Variants in FAF1 observed in about 807,000 individuals in gnomAD.
FAF1 encodes the protein FAS-associated factor 1.
In FAF1, 25 loss-of-function variants were observed where a neutral mutation model predicts 92.5. That is an observed-to-expected ratio of 0.27 (90% confidence interval 0.20 to 0.38). The LOEUF (loss-of-function observed/expected upper bound fraction) is 0.38. Ranked by LOEUF, FAF1 falls within the 10% of genes least tolerant of loss-of-function variation. The probability of loss-of-function intolerance (pLI) is 1.00; values close to 1 mark genes in which losing one functional copy is unlikely to be tolerated. For synonymous variants in FAF1, 234 were observed against 273.2 expected (o/e 0.86, Z 1.42); for missense variants, 636 against 793.3 (o/e 0.80, Z 2.38).
chr1:50,930,275 T>TA (rs1310929557), intron 1 of FAF1, among the ~76,000 whole-genome samples: 3 of 152,184 alleles, frequency 2.0e-5, no homozygotes, highest in Admixed American at 1.3e-4. Flanking sequence ...CATAATGAGC[T>TA]AAGCAGGTGA....
At position 50,438,004 on chromosome 1, in the gene FAF1, C is replaced by A. The variant is rs1486662987; in HGVS notation, c.*3436G>T. 1.7e-5 allele frequency: 2 copies of A among 115,770 alleles called. No individual in the cohort carries two copies. Among genetic ancestry groups the A allele is most frequent in the Admixed American group, 1.3e-4 (1 of 7,684 alleles). 7.2% of individuals were successfully genotyped at this position (115,770 alleles called of 1,614,324 possible). A position where few individuals can be genotyped will look rare whatever the true frequency, so the allele number is the denominator to read the frequency against. On this transcript the variant is annotated 3_prime_UTR_variant, in exon 19 of 19. Coordinates refer to ENST00000396153, the MANE Select transcript of FAF1 (RefSeq NM_007051.3). ...TGCCACTGCACTCTAGCCTGAGCGA[C>A]AGAGCGAGACTCTGTCTCAAAAAAA...
At chr1:50,780,960 G>T in intron 4 of FAF1, 1 of 483,180 alleles carries the variant, frequency 2.1e-6, no homozygotes, top group Non-Finnish European at 4.1e-6. Flanking sequence ...AGGAACAGGA[G>T]GTCATCATCT....
chr1:50,731,161 T>C (rs1049869911), intron 6 of FAF1, among the ~76,000 whole-genome samples: 11 of 152,248 alleles, frequency 7.2e-5, no homozygotes, highest in Admixed American at 6.5e-4. Context: ...ACAAGTTTCC[T>C]GTGTGAGGGA....
chr1:50,628,755 G>A (rs761192356), intron 8 of FAF1, among the ~76,000 whole-genome samples: 8 of 152,174 alleles, frequency 5.3e-5, no homozygotes, highest in Non-Finnish European at 1.2e-4. Context: ...CATAAAAATG[G>A]AACTATGGCC....
intron 2 of FAF1, among the ~76,000 whole-genome samples, chr1:50,822,559 A>G (rs2124621582): frequency 6.6e-6 from 1 of 152,290 alleles, no homozygotes; most frequent in South Asian, 2.1e-4. Context: ...ATTAGACTTT[A>G]GTCAGCCTCA....
At chr1:50,590,051 T>C (rs1414055491) in intron 9 of FAF1, among the ~76,000 whole-genome samples, 1 of 152,260 alleles carries the variant, frequency 6.6e-6, no homozygotes, top group Non-Finnish European at 1.5e-5. Flanking sequence ...TCTAGCACTG[T>C]ACTGTTGAGA....
rs777455267 is a variant in FAF1 at position 50,788,077 on chromosome 1, T to C, written c.290A>G (p.Gln97Arg). 8 of 1,614,006 alleles carry C rather than the reference T, an allele frequency of 5.0e-6. No homozygotes were observed. The African/African-American group carries it at 9.3e-5, about 19-fold the overall frequency. Residue 97 changes from glutamine to arginine, a missense_variant, in exon 4 of 19, where the codon CAA becomes CGA. Gln to Arg is a conservative substitution (Grantham distance 43). This residue lies in a region of FAF1 where 317 missense variants were observed against 342.4 expected (regional missense o/e 0.93). Transcript: ENST00000396153. ...VMPSRQIVER[Q>R]PRMLDFRVEY... ...AACCCTGAAGTCCAGCATCCGAGGT[T>C]GCCTTTCTACAATCTGCCTGGATGG...
rs567033226 is a variant in FAF1 at position 50,694,055 on chromosome 1, CAT to C, written c.657+11729_657+11730del. ...TATGACATATACATGACATGTATGA[CAT>C]ATATATGACATATACATGACATATA... On this transcript the variant is annotated intron_variant, in intron 7 of 18. Transcript: ENST00000396153. Among the ~76,000 whole-genome samples, 237 of 151,368 alleles carry C rather than the reference CAT, an allele frequency of 1.6e-3. 2 individuals are homozygous for C. The highest frequency in any genetic ancestry group is 2.4e-3 in the Non-Finnish European group (163 of 67,912).
intron 1 of FAF1, among the ~76,000 whole-genome samples, chr1:50,952,714 C>T (rs976963342): frequency 6.6e-6 from 1 of 150,904 alleles, no homozygotes; most frequent in Admixed American, 6.6e-5. Context: ...GCGCCTCTGC[C>T]CCGCCACCCC....
intron 13 of FAF1, among the ~76,000 whole-genome samples, chr1:50,558,295 T>C (rs912706606): frequency 6.6e-5 from 10 of 152,102 alleles, no homozygotes; most frequent in Admixed American, 1.3e-4. Context: ...TCATGTTTTA[T>C]ATCAATATAA....
chr1:50,801,558 C>A, intron 3 of FAF1, 73 bp downstream of exon 3: 3 of 822,082 alleles, frequency 3.6e-6, no homozygotes, highest in Middle Eastern at 2.3e-4. Context: ...AAAAATAAAA[C>A]AAAAAAATTA....
intron 1 of FAF1, among the ~76,000 whole-genome samples, chr1:50,874,029 T>A (rs1028344217): frequency 6.6e-6 from 1 of 152,174 alleles, no homozygotes; most frequent in Non-Finnish European, 1.5e-5. Flanking sequence ...GCAGGGTATG[T>A]GAGACCCAAA....
chr1:50,556,154 C>T (rs1266025099), intron 13 of FAF1, among the ~76,000 whole-genome samples: 3 of 146,322 alleles, frequency 2.1e-5, no homozygotes, highest in Admixed American at 7.0e-5. Flanking sequence ...AGGAGACTGG[C>T]GTGAACCCAG....
At chr1:50,879,798 CTG>C (rs986165433) in intron 1 of FAF1, among the ~76,000 whole-genome samples, 3 of 152,168 alleles carry the variant, frequency 2.0e-5, no homozygotes, top group African/African-American at 7.2e-5. Flanking sequence ...GTCCAGTAAT[CTG>C]TGTTTTAACA....
At chr1:50,485,667 C>CAA (rs999538430) in intron 17 of FAF1, among the ~76,000 whole-genome samples, 711 of 13,632 alleles carry the variant, frequency 0.052, 77 homozygotes, top group African/African-American at 0.078. Flanking sequence ...GAGACTGTCT[C>CAA]AAAAAAAAAA....
intron 18 of FAF1, among the ~76,000 whole-genome samples, chr1:50,442,161 G>A (rs1646176087): frequency 6.6e-6 from 1 of 152,102 alleles, no homozygotes; most frequent in Non-Finnish European, 1.5e-5. Context: ...AGTGGGATAC[G>A]TTAATCATAC....
chr1:50,836,951 C>CTTTTTTTTTTTTTTTTTTTTTTTTTT (rs528322924), intron 2 of FAF1, among the ~76,000 whole-genome samples: 1 of 76,706 alleles, frequency 1.3e-5, no homozygotes, highest in Non-Finnish European at 2.4e-5. Flanking sequence ...TGTTATGTTT[C>CTTTTTTTTTTTTTTTTTTTTTTTTTT]TTTTTTTTTT....
chr1:50,502,622 G>A (rs2149016896), intron 15 of FAF1, among the ~76,000 whole-genome samples: 1 of 152,278 alleles, frequency 6.6e-6, no homozygotes, highest in Admixed American at 6.5e-5. Flanking sequence ...GCTGCTGGAG[G>A]CTGGACTTGC....
chr1:50,551,561 A>T (rs184128484), intron 13 of FAF1, among the ~76,000 whole-genome samples: 2 of 152,218 alleles, frequency 1.3e-5, no homozygotes, highest in Non-Finnish European at 1.5e-5. Context: ...ATGGTTTATG[A>T]ACAATTAGAA....
Sources: gnomAD v4.1 joint callset for allele counts (sites outside exome capture counted in the v4.1 genomes callset) on GRCh38, gnomAD v4.1.1 for gene constraint, gnomAD v4.1.1 regional missense constraint, MANE v1.5 for transcripts, NCBI Gene and HGNC (gene_info 2026-07-23, HGNC 2026-07-21) for gene names.